DNAH7: variants seen among roughly 807,000 people sequenced by gnomAD.
DNAH7 encodes axonemal beta dynein heavy chain 7.
In DNAH7, 397 loss-of-function variants were observed where a neutral mutation model predicts 444.6. The observed-to-expected ratio is 0.89, with a 90% CI of 0.82 to 0.97. The LOEUF (loss-of-function observed/expected upper bound fraction) is 0.97. Among genes scored for constraint, DNAH7 ranks in the 50% least tolerant of loss-of-function variants. The pLI, the probability that DNAH7 is intolerant of heterozygous loss-of-function variation, is 0.00. For missense variants in DNAH7, 4,902 were observed against 4,800.8 expected (o/e 1.02, Z -0.62); for synonymous variants, 1,636 against 1,624.4 (o/e 1.01, Z -0.17).
chr2:196,005,783 A>G (rs1427384509), intron 10 of DNAH7, among the ~76,000 whole-genome samples: 2 of 152,162 alleles, frequency 1.3e-5, no homozygotes, highest in African/African-American at 4.8e-5. Flanking sequence ...AGTTCTAACA[A>G]GAATTTAAAA....
At chr2:195,935,366 G>A (rs1445337899) in intron 20 of DNAH7, among the ~76,000 whole-genome samples, 1 of 152,032 alleles carries the variant, frequency 6.6e-6, no homozygotes, top group Non-Finnish European at 1.5e-5. Context: ...CTTTCAAATG[G>A]ACAAAAAGAA....
At chr2:195,939,421 A>G (rs1689272384) in intron 19 of DNAH7, among the ~76,000 whole-genome samples, 1 of 152,174 alleles carries the variant, frequency 6.6e-6, no homozygotes. Flanking sequence ...GTGCTTCAGC[A>G]AATGCAGGAT....
At chr2:195,807,553 T>A (rs1406649835) in intron 53 of DNAH7, among the ~76,000 whole-genome samples, 1 of 152,230 alleles carries the variant, frequency 6.6e-6, no homozygotes, top group Non-Finnish European at 1.5e-5. Flanking sequence ...GGTATTGTAC[T>A]GAAATTTATT....
At chr2:195,933,105 T>C (rs1688811659) in intron 21 of DNAH7, among the ~76,000 whole-genome samples, 1 of 152,202 alleles carries the variant, frequency 6.6e-6, no homozygotes, top group African/African-American at 2.4e-5. Context: ...GAGGCTGTTA[T>C]TGGTCTATTC....
chr2:195,765,403 C>G (rs751974408), intron 61 of DNAH7, among the ~76,000 whole-genome samples: 18 of 151,878 alleles, frequency 1.2e-4, no homozygotes, highest in South Asian at 4.2e-4. Context: ...AAAAGCTTGT[C>G]CATAGCAAAA....
chr2:195,923,903 C>T, intron 22 of DNAH7, 96 bp from the exon 23 acceptor site: 2 of 1,069,956 alleles, frequency 1.9e-6, no homozygotes, highest in Non-Finnish European at 2.7e-6. Context: ...TTATTCTCTG[C>T]ATTTTGATTA....
intron 61 of DNAH7, among the ~76,000 whole-genome samples, chr2:195,767,435 G>C (rs1694639127): frequency 1.3e-5 from 2 of 151,968 alleles, no homozygotes; most frequent in African/African-American, 2.4e-5. Context: ...ACACCAGTTA[G>C]CTCAATTTGT....
chr2:195,744,840 CA>C (rs1234507281), intron 63 of DNAH7, among the ~76,000 whole-genome samples: 19 of 152,130 alleles, frequency 1.2e-4, no homozygotes, highest in Non-Finnish European at 1.5e-5. Context: ...ACATCCACAC[CA>C]AAAACCCATC....
At chr2:195,930,117 G>C (rs1688592513) in intron 21 of DNAH7, among the ~76,000 whole-genome samples, 1 of 152,098 alleles carries the variant, frequency 6.6e-6, no homozygotes, top group African/African-American at 2.4e-5. Flanking sequence ...GGTCAAGACA[G>C]GTGGATCACG....
At chr2:195,840,013 G>A (rs1286823239) in intron 47 of DNAH7, among the ~76,000 whole-genome samples, 6 of 151,656 alleles carry the variant, frequency 4.0e-5, no homozygotes, top group African/African-American at 1.4e-4. Flanking sequence ...CCTTTTAGGA[G>A]GCCAGCATTA....
At chr2:196,028,127 G>A (rs1279489722) in intron 5 of DNAH7, 80 bp from the exon 6 acceptor site, 2 of 1,084,908 alleles carry the variant, frequency 1.8e-6, no homozygotes, top group East Asian at 2.6e-5. Context: ...GGAACACCAG[G>A]ACTATTTTCT....
intron 63 of DNAH7, among the ~76,000 whole-genome samples, chr2:195,753,736 T>C (rs936700208): frequency 6.6e-6 from 1 of 152,188 alleles, no homozygotes; most frequent in African/African-American, 2.4e-5. Flanking sequence ...AAATAAAATA[T>C]CAGGGTAGCC....
At chr2:196,020,616 T>G (rs867793045) in intron 8 of DNAH7, among the ~76,000 whole-genome samples, 2,260 of 150,654 alleles carry the variant, frequency 0.015, 52 homozygotes, top group African/African-American at 0.051. Context: ...GCTTTTGTTT[T>G]TTTTTTTTTT....
intron 10 of DNAH7, among the ~76,000 whole-genome samples, chr2:196,007,857 GT>G (rs1694478965): frequency 6.6e-6 from 1 of 152,128 alleles, no homozygotes; most frequent in Non-Finnish European, 1.5e-5. Context: ...TCTCAGGTAT[GT>G]CTTTATTAAC....
intron 51 of DNAH7, among the ~76,000 whole-genome samples, chr2:195,811,952 C>G (rs1696991688): frequency 6.6e-6 from 1 of 152,124 alleles, no homozygotes; most frequent in Non-Finnish European, 1.5e-5. Flanking sequence ...AGCCATGATA[C>G]CAGAGGTGGT....
Position 195,814,148 on chromosome 2 carries a change from C to T in DNAH7, c.9761+2480G>A, listed in dbSNP as rs190154355. Among the ~76,000 whole-genome samples the T allele has an allele frequency of 6.6e-4, 100 of 152,292 alleles. 1 individual carries two copies. Among genetic ancestry groups the T allele is most frequent in the Admixed American group, 1.2e-3 (19 of 15,292 alleles). On this transcript the variant is annotated intron_variant, in intron 51 of 64. Transcript: ENST00000312428. The stretch of plus-strand genomic sequence containing the variant: ...ACAGGTTTGCTCACTTATGAGAATT[C>T]ACTGGGCAAATACTTCTGATTTCTG...
intron 5 of DNAH7, among the ~76,000 whole-genome samples, chr2:196,044,172 A>T (rs1696945256): frequency 2.0e-5 from 3 of 150,060 alleles, no homozygotes; most frequent in African/African-American, 4.9e-5. Flanking sequence ...TCAATCAATG[A>T]GTGGATAAAA....
chr2:196,065,084 T>C (rs1390192476), intron 1 of DNAH7, among the ~76,000 whole-genome samples: 1 of 152,198 alleles, frequency 6.6e-6, no homozygotes, highest in Non-Finnish European at 1.5e-5. Flanking sequence ...TAGGTCTTGA[T>C]ATCTGTAGGG....
At chr2:195,816,123 A>G (rs997878735) in intron 51 of DNAH7, among the ~76,000 whole-genome samples, 1 of 152,220 alleles carries the variant, frequency 6.6e-6, no homozygotes, top group Admixed American at 6.5e-5. Context: ...TACTTATTGT[A>G]ATAGCCAACA....
Sources: gnomAD v4.1 joint callset for allele counts (sites outside exome capture counted in the v4.1 genomes callset) on GRCh38, gnomAD v4.1.1 for gene constraint, MANE v1.5 for transcripts, NCBI Gene and HGNC (gene_info 2026-07-23, HGNC 2026-07-21) for gene names.